BAIAP2L1: variants seen among roughly 807,000 people sequenced by gnomAD.
BAIAP2L1 encodes BAR/IMD domain-containing adapter protein 2-like 1.
BAIAP2L1 carries 35 observed loss-of-function variants against 66.3 expected under a neutral mutation model. The observed-to-expected ratio is 0.53, with a 90% CI of 0.40 to 0.70. The LOEUF is 0.70. BAIAP2L1 is among the 30% of genes least tolerant of loss of function. The pLI is 0.00. For missense variants in BAIAP2L1, 622 were observed against 656.9 expected, an observed-to-expected ratio of 0.95 and a Z score of 0.58; for synonymous variants, 269 against 248.7, an observed-to-expected ratio of 1.08 and a Z score of -0.77.
At chr7:98,310,295 C>G in intron 9 of BAIAP2L1, 150 bp downstream of exon 9, 1 of 749,612 alleles carries the variant, frequency 1.3e-6, no homozygotes, top group Non-Finnish European at 2.1e-6. Flanking sequence ...TCTGAACTCA[C>G]GCTCTGCAAA....
chr7:98,356,350 T>G (rs1802117294), intron 2 of BAIAP2L1, among the ~76,000 whole-genome samples: 1 of 152,148 alleles, frequency 6.6e-6, no homozygotes, highest in Admixed American at 6.6e-5. Context: ...ACTCTAAGAT[T>G]GGTTTCAGAC....
chr7:98,384,491 A>C (rs1802837045), intron 1 of BAIAP2L1, among the ~76,000 whole-genome samples: 1 of 152,054 alleles, frequency 6.6e-6, no homozygotes, highest in South Asian at 2.1e-4. Context: ...GCAATCAATA[A>C]ATTTACAGGA....
intron 1 of BAIAP2L1, among the ~76,000 whole-genome samples, chr7:98,379,928 T>C (rs1043425570): frequency 1.2e-4 from 19 of 152,180 alleles, no homozygotes; most frequent in Admixed American, 1.2e-3. Flanking sequence ...TGATAGCAAA[T>C]GGGGATGAAG....
Position 98,304,264 on chromosome 7 carries a change from T to C in BAIAP2L1, c.1354A>G (p.Arg452Gly). ...CLSMGAAADR[R>G]ADSARTTSTF... Reference sequence around the variant, plus strand: ...GATGTCGTCCTGGCCGAATCTGCTCTCCTGTCGGCAGCTGCCCCCATGGAC... The same window carrying C: ...GATGTCGTCCTGGCCGAATCTGCTCCCCTGTCGGCAGCTGCCCCCATGGAC... The change falls in exon 12 of 14, where the codon AGA becomes GGA. Residue 452 changes from arginine (R) to glycine (G), a missense_variant. Transcript: ENST00000005260. 6.2e-7 allele frequency: 1 copy of C among 1,613,626 alleles called. No individual in the cohort carries two copies. The highest frequency in any genetic ancestry group is 8.5e-7 in the Non-Finnish European group (1 of 1,179,762).
In BAIAP2L1 at chr7:98,401,018, T is replaced by C. The variant is rs1803358396; in HGVS notation, c.-166A>G. 1 of 505,822 alleles carries C rather than the reference T, an allele frequency of 2.0e-6. No homozygotes were observed. Among genetic ancestry groups the C allele is most frequent in the East Asian group, 4.0e-5 (1 of 25,194 alleles). 31.3% of individuals were successfully genotyped at this position (505,822 alleles called of 1,614,324 possible). A position where few individuals can be genotyped will look rare whatever the true frequency, so the allele number is the denominator to read the frequency against. ...CCCGCGCGCGTCTCCGCTGCGAAAATGTCAAAACTTGCGGCAGCGCCGCCC... is the reference window on the plus strand; with the variant it reads ...CCCGCGCGCGTCTCCGCTGCGAAAACGTCAAAACTTGCGGCAGCGCCGCCC... On this transcript the variant is annotated 5_prime_UTR_variant, in exon 1 of 14. Coordinates refer to ENST00000005260, the MANE Select transcript of BAIAP2L1 (RefSeq NM_018842.5).
intron 3 of BAIAP2L1, among the ~76,000 whole-genome samples, chr7:98,351,151 G>A (rs1044455291): frequency 1.3e-5 from 2 of 152,172 alleles, no homozygotes; most frequent in Non-Finnish European, 2.9e-5. Flanking sequence ...CTGAGCCACT[G>A]TACCCGGCCA....
chr7:98,314,277 G>A (rs956192433), intron 7 of BAIAP2L1, among the ~76,000 whole-genome samples: 1 of 151,976 alleles, frequency 6.6e-6, no homozygotes, highest in Non-Finnish European at 1.5e-5. Context: ...GCCACCATGC[G>A]CAGTCCTGAA....
In BAIAP2L1 at chr7:98,300,535, GC is replaced by G. The variant is rs1194687107; in HGVS notation, c.1422+3660del. On this transcript the variant is annotated intron_variant, in intron 12 of 13. Coordinates refer to ENST00000005260, the MANE Select transcript of BAIAP2L1 (RefSeq NM_018842.5). Reference sequence around the variant, plus strand: ...AGCGTACTGATGTGGAGGCCAAGAAGCTGCTGGCTGAGATTTCAGAACTGGG... The same window carrying G: ...AGCGTACTGATGTGGAGGCCAAGAAGTGCTGGCTGAGATTTCAGAACTGGG... 4.6e-5 allele frequency among the ~76,000 whole-genome samples: 7 copies of G among 152,334 alleles called. No individual in the cohort carries two copies. In the East Asian group the frequency reaches 1.3e-3, roughly 29 times the overall value.
chr7:98,400,455 G>C, intron 1 of BAIAP2L1: 1 of 323,802 alleles, frequency 3.1e-6, no homozygotes, highest in Non-Finnish European at 5.5e-6. Context: ...GAGGGACAGT[G>C]TCGAGGGGCA....
chr7:98,320,830 C>G (rs1190737650), intron 3 of BAIAP2L1, among the ~76,000 whole-genome samples: 1 of 151,548 alleles, frequency 6.6e-6, no homozygotes, highest in Non-Finnish European at 1.5e-5. Flanking sequence ...AATGCAAACT[C>G]TGTTCAAATT....
intron 3 of BAIAP2L1, among the ~76,000 whole-genome samples, chr7:98,354,325 T>TA (rs1225917142): frequency 1.3e-5 from 2 of 152,130 alleles, no homozygotes; most frequent in Non-Finnish European, 2.9e-5. Flanking sequence ...TCCTACTTCT[T>TA]AACTGGACAT....
chr7:98,350,462 C>G (rs972502074), intron 3 of BAIAP2L1, among the ~76,000 whole-genome samples: 2 of 152,050 alleles, frequency 1.3e-5, no homozygotes, highest in East Asian at 3.9e-4. Flanking sequence ...TTGAGACCAG[C>G]CTGGCAAACA....
intron 1 of BAIAP2L1, among the ~76,000 whole-genome samples, chr7:98,371,943 C>T (rs1418761994): frequency 1.3e-5 from 2 of 151,878 alleles, no homozygotes; most frequent in Non-Finnish European, 2.9e-5. Flanking sequence ...TACAGATGCC[C>T]GCCACTGCAC....
chr7:98,382,919 A>G (rs1337398038), intron 1 of BAIAP2L1, among the ~76,000 whole-genome samples: 2 of 152,136 alleles, frequency 1.3e-5, no homozygotes, highest in Non-Finnish European at 2.9e-5. Flanking sequence ...TTAGAGGTAC[A>G]TGTTCTTATT....
intron 3 of BAIAP2L1, among the ~76,000 whole-genome samples, chr7:98,321,471 C>T (rs183313675): frequency 6.6e-6 from 1 of 152,306 alleles, no homozygotes; most frequent in East Asian, 1.9e-4. Flanking sequence ...AAACCAAGCA[C>T]AGTCACATGA....
chr7:98,362,435 G>A lies in BAIAP2L1; in HGVS notation c.52-3C>T, dbSNP rs748845475. 60 of 1,592,004 alleles carry A rather than the reference G, an allele frequency of 3.8e-5. 1 individual carries two copies. Among genetic ancestry groups the A allele is most frequent in the Non-Finnish European group, 4.6e-5 (54 of 1,173,546 alleles). ...GGATTGAACTGTTCCATAACATTCTGCCAAACAAACAAAACACACAAATTA... is the reference window on the plus strand; with the variant it reads ...GGATTGAACTGTTCCATAACATTCTACCAAACAAACAAAACACACAAATTA... On this transcript the variant is annotated splice_region_variant and splice_polypyrimidine_tract_variant and intron_variant, in intron 1 of 13. Transcript: ENST00000005260.
At chr7:98,376,348 A>G (rs1802628904) in intron 1 of BAIAP2L1, among the ~76,000 whole-genome samples, 1 of 151,840 alleles carries the variant, frequency 6.6e-6, no homozygotes, top group East Asian at 1.9e-4. Flanking sequence ...ACCAAAAACA[A>G]CAAAAAAAAT....
chr7:98,332,207 ACT>A (rs1267591675), intron 3 of BAIAP2L1, among the ~76,000 whole-genome samples: 1 of 150,914 alleles, frequency 6.6e-6, no homozygotes, highest in Non-Finnish European at 1.5e-5. Context: ...ACATGGTGGA[ACT>A]CTGTCTCTAC....
At chr7:98,308,125 G>A (rs1365724010) in intron 9 of BAIAP2L1, 9 of 659,416 alleles carry the variant, frequency 1.4e-5, no homozygotes, top group Middle Eastern at 2.4e-4. Flanking sequence ...TGCAGAAGAG[G>A]ATCCCTGCGG....
Sources: allele counts gnomAD v4.1 joint callset (sites outside exome capture counted in the v4.1 genomes callset), GRCh38; gene constraint gnomAD v4.1.1; transcripts MANE v1.5; gene names NCBI Gene and HGNC (gene_info 2026-07-23, HGNC 2026-07-21).